Variants in CHN2 observed in about 807,000 individuals in gnomAD.
The protein encoded by CHN2 is beta-chimaerin.
Under a neutral mutation model 56.3 loss-of-function variants are expected in CHN2, and 35 were observed. The observed-to-expected ratio is 0.62, with a 90% CI of 0.47 to 0.82. CHN2 has a LOEUF of 0.82. Ranked by LOEUF, CHN2 falls within the 40% of genes least tolerant of loss-of-function variation. CHN2 has a pLI of 0.00. For synonymous variants in CHN2, 210 were observed against 212.8 expected (o/e 0.99, Z 0.12); for missense variants, 491 against 580.5 (o/e 0.85, Z 1.58).
At chr7:29,379,438 A>G (rs1299962507) in intron 3 of CHN2, among the ~76,000 whole-genome samples, 1 of 152,242 alleles carries the variant, frequency 6.6e-6, no homozygotes, top group Non-Finnish European at 1.5e-5. Context: ...CTGATTAATA[A>G]TTTGTATGCC....
At chr7:29,430,757 A>G (rs945032084) in intron 6 of CHN2, among the ~76,000 whole-genome samples, 14 of 150,230 alleles carry the variant, frequency 9.3e-5, no homozygotes, top group African/African-American at 3.2e-4. Flanking sequence ...TCACGTGACA[A>G]TGTCCTAAGC....
At chr7:29,280,073 T>C (rs1314084121) in intron 1 of CHN2, among the ~76,000 whole-genome samples, 1 of 151,968 alleles carries the variant, frequency 6.6e-6, no homozygotes, top group East Asian at 1.9e-4. Flanking sequence ...TGAGGAGGTG[T>C]TCTTTATGAT....
At chr7:29,211,295 G>A (rs1438494453) in intron 1 of CHN2, among the ~76,000 whole-genome samples, 4 of 151,552 alleles carry the variant, frequency 2.6e-5, no homozygotes, top group Non-Finnish European at 5.9e-5. Flanking sequence ...AGCCGGGATG[G>A]TCTCGATCTC....
At position 29,183,965 on chromosome 7, in the gene CHN2, G is replaced by T. The variant is rs530162518; in HGVS notation, c.274+37005G>T. Among the ~76,000 whole-genome samples the T allele has an allele frequency of 2.7e-3, 409 of 152,086 alleles. 2 individuals are homozygous for T. Among genetic ancestry groups the T allele is most frequent in the African/African-American group, 9.3e-3 (387 of 41,468 alleles). ...GTTACATAGCATTTACATAGTATAGGTATTGTAAGTAATCTAGACATGATT... is the reference window on the plus strand; with the variant it reads ...GTTACATAGCATTTACATAGTATAGTTATTGTAAGTAATCTAGACATGATT... On this transcript the variant is annotated intron_variant, in intron 2 of 6. Transcript: ENST00000439384.
At chr7:29,153,640 G>A (rs1315991145) in intron 2 of CHN2, among the ~76,000 whole-genome samples, 1 of 152,110 alleles carries the variant, frequency 6.6e-6, no homozygotes, top group African/African-American at 2.4e-5. Flanking sequence ...TATGATCTTG[G>A]CTCACTGCAA....
At chr7:29,439,872 G>A (rs1485017434) in intron 6 of CHN2, among the ~76,000 whole-genome samples, 1 of 152,118 alleles carries the variant, frequency 6.6e-6, no homozygotes, top group African/African-American at 2.4e-5. Context: ...ATCTCATTAG[G>A]TTCTCACAAC....
chr7:29,503,745 A>G lies in CHN2; in HGVS notation c.914-999A>G, dbSNP rs185384014. ...CTCCATAAATGTTTTCCAAATGAAA[A>G]AACAGGAGAATATGTGAGTTATCAA... On this transcript the variant is annotated intron_variant, in intron 9 of 12. Transcript: ENST00000222792. Among the ~76,000 whole-genome samples the G allele has an allele frequency of 3.1e-4, 47 of 152,354 alleles. No homozygotes were observed. In the East Asian group the frequency reaches 6.2e-3, roughly 20 times the overall value.
At chr7:29,307,209 G>A (rs1353667234) in intron 1 of CHN2, among the ~76,000 whole-genome samples, 4 of 152,176 alleles carry the variant, frequency 2.6e-5, no homozygotes, top group South Asian at 2.1e-4. Flanking sequence ...GGGGTCTGCA[G>A]CCTCTTTTAT....
intron 1 of CHN2, among the ~76,000 whole-genome samples, chr7:29,220,280 A>AAGAGAGAG (rs60474405): frequency 0.32 from 43,984 of 137,804 alleles, 7,615 homozygotes; most frequent in East Asian, 0.63. Context: ...AAAAAAAAAA[A>AAGAGAGAG]AGAGAGAGAG....
At chr7:29,421,047 C>A (rs1256972979) in intron 6 of CHN2, among the ~76,000 whole-genome samples, 1 of 152,132 alleles carries the variant, frequency 6.6e-6, no homozygotes, top group Non-Finnish European at 1.5e-5. Flanking sequence ...CCCGGCTCAG[C>A]CTTCCAAAGT....
intron 1 of CHN2, among the ~76,000 whole-genome samples, chr7:29,200,465 C>T (rs1378905133): frequency 7.4e-6 from 1 of 134,460 alleles, no homozygotes; most frequent in Non-Finnish European, 1.6e-5. Flanking sequence ...CCCCTTCCCC[C>T]CTCCCCCCTT....
chr7:29,376,190 AT>A (rs1168966845), intron 3 of CHN2: 1 of 152,126 alleles, frequency 6.6e-6, no homozygotes, highest in Non-Finnish European at 1.5e-5. Flanking sequence ...TTACCTAATT[AT>A]TTACTTGTTG....
At chr7:29,448,875 A>G (rs1784211094) in intron 6 of CHN2, among the ~76,000 whole-genome samples, 1 of 152,210 alleles carries the variant, frequency 6.6e-6, no homozygotes, top group African/African-American at 2.4e-5. Flanking sequence ...ATCCCCAACC[A>G]GACTGTAAAC....
chr7:29,208,002 G>C (rs140482878), intron 1 of CHN2, among the ~76,000 whole-genome samples: 1 of 152,304 alleles, frequency 6.6e-6, no homozygotes, highest in East Asian at 1.9e-4. Flanking sequence ...ATTGTTCACT[G>C]TAAGGAACCT....
At chr7:29,157,900 C>G (rs1229487858) in intron 2 of CHN2, among the ~76,000 whole-genome samples, 1 of 152,182 alleles carries the variant, frequency 6.6e-6, no homozygotes, top group Non-Finnish European at 1.5e-5. Context: ...AATGCTCCGG[C>G]AGTCCTTTCA....
chr7:29,298,734 G>T (rs1230825653), intron 1 of CHN2, among the ~76,000 whole-genome samples: 1 of 152,166 alleles, frequency 6.6e-6, no homozygotes, highest in African/African-American at 2.4e-5. Flanking sequence ...GGAGATTGCT[G>T]GTTGGTTTAC....
At chr7:29,307,456 C>T (rs1230979447) in intron 1 of CHN2, among the ~76,000 whole-genome samples, 1 of 152,164 alleles carries the variant, frequency 6.6e-6, no homozygotes, top group Non-Finnish European at 1.5e-5. Context: ...TGTCTCTGTT[C>T]TAATGTCTGG....
At chr7:29,360,397 T>A (rs1798643813) in intron 2 of CHN2, among the ~76,000 whole-genome samples, 1 of 152,060 alleles carries the variant, frequency 6.6e-6, no homozygotes, top group Admixed American at 6.5e-5. Context: ...GGTGCATGCC[T>A]GTAATCCCAG....
At chr7:29,468,625 A>G (rs1417056741) in intron 6 of CHN2, among the ~76,000 whole-genome samples, 1 of 152,166 alleles carries the variant, frequency 6.6e-6, no homozygotes, top group Non-Finnish European at 1.5e-5. Context: ...CGGTACTCCC[A>G]GCACTGGCTG....
Sources: allele counts gnomAD v4.1 joint callset (sites outside exome capture counted in the v4.1 genomes callset), GRCh38; gene constraint gnomAD v4.1.1; transcripts MANE v1.5; gene names NCBI Gene and HGNC (gene_info 2026-07-23, HGNC 2026-07-21).